Variants in VPS8 observed in about 807,000 individuals in gnomAD.
The protein encoded by VPS8 is VPS8 subunit of CORVET complex.
VPS8 carries 129 observed loss-of-function variants against 216.4 expected under a neutral mutation model. That is an observed-to-expected ratio of 0.60 (90% confidence interval 0.52 to 0.69). The LOEUF is 0.69. Ranked by LOEUF, VPS8 falls within the 30% of genes least tolerant of loss-of-function variation. The pLI is 0.00. For missense variants in VPS8, 1,531 were observed against 1,683.5 expected (o/e 0.91, Z 1.59); for synonymous variants, 571 against 565.4 (o/e 1.01, Z -0.14).
chr3:184,892,100 A>T (rs988411330), intron 22 of VPS8, among the ~76,000 whole-genome samples: 3 of 152,168 alleles, frequency 2.0e-5, no homozygotes, highest in Non-Finnish European at 4.4e-5. Context: ...TAGGGAGGCT[A>T]AGCTTGAAAT....
At chr3:184,842,269 A>G (rs1722330282) in intron 7 of VPS8, among the ~76,000 whole-genome samples, 1 of 151,212 alleles carries the variant, frequency 6.6e-6, no homozygotes, top group Admixed American at 6.6e-5. Flanking sequence ...ATTTAAAATG[A>G]ATACTTTACA....
chr3:184,961,324 A>G (rs1483352301), intron 37 of VPS8, among the ~76,000 whole-genome samples: 1 of 152,212 alleles, frequency 6.6e-6, no homozygotes, highest in African/African-American at 2.4e-5. Flanking sequence ...CACTCCTGAA[A>G]CAGTTGCCTG....
At chr3:184,937,709 A>C (rs971846485) in intron 35 of VPS8, among the ~76,000 whole-genome samples, 1 of 152,170 alleles carries the variant, frequency 6.6e-6, no homozygotes, top group Non-Finnish European at 1.5e-5. Flanking sequence ...GGCTTTCTTA[A>C]TAAAAAGGTT....
At chr3:184,900,634 G>A (rs759061329) in intron 24 of VPS8, among the ~76,000 whole-genome samples, 1 of 152,096 alleles carries the variant, frequency 6.6e-6, no homozygotes, top group Non-Finnish European at 1.5e-5. Flanking sequence ...AGAATAAAGC[G>A]TTTAAGAACC....
rs563872819 is a variant in VPS8 at position 185,008,182 on chromosome 3, A to G, written c.4002+8321A>G. On this transcript the variant is annotated intron_variant, in intron 45 of 47. Transcript: ENST00000625842. ...GAAGATTAATATGTCTCAGAAGTAC[A>G]TAGAGACGATTGATCATCCTAATAT... Among the ~76,000 whole-genome samples the G allele has an allele frequency of 2.9e-4, 44 of 152,342 alleles. No homozygotes were observed. The South Asian group carries it at 2.9e-3, about 10-fold the overall frequency.
intron 22 of VPS8, among the ~76,000 whole-genome samples, chr3:184,889,042 A>G (rs1318476407): frequency 6.6e-6 from 1 of 152,344 alleles, no homozygotes; most frequent in East Asian, 1.9e-4. Context: ...TCCCTAAAAT[A>G]TTCTGGAGAT....
intron 42 of VPS8, among the ~76,000 whole-genome samples, chr3:184,993,202 T>G (rs925561976): frequency 2.0e-5 from 3 of 152,144 alleles, no homozygotes; most frequent in East Asian, 1.9e-4. Context: ...TACTCAAATT[T>G]TATACACTAA....
At chr3:184,852,156 G>A (rs1724402053) in intron 10 of VPS8, among the ~76,000 whole-genome samples, 1 of 152,120 alleles carries the variant, frequency 6.6e-6, no homozygotes, top group Non-Finnish European at 1.5e-5. Context: ...TGTAACCAAA[G>A]GATCTCATTT....
chr3:184,866,662 T>C (rs951141864), intron 16 of VPS8, among the ~76,000 whole-genome samples: 3 of 152,206 alleles, frequency 2.0e-5, no homozygotes, highest in African/African-American at 7.2e-5. Context: ...TATGTAGCGC[T>C]GGGATGTAGG....
chr3:184,874,974 A>G (rs1018756617), intron 21 of VPS8, among the ~76,000 whole-genome samples: 1 of 151,960 alleles, frequency 6.6e-6, no homozygotes, highest in Non-Finnish European at 1.5e-5. Flanking sequence ...ATGATGTAAC[A>G]GCTCTTGGAT....
chr3:185,048,326 A>T (rs1353186747), intron 46 of VPS8, among the ~76,000 whole-genome samples, 153 bp from the exon 47 acceptor site: 3 of 152,210 alleles, frequency 2.0e-5, no homozygotes, highest in Non-Finnish European at 1.5e-5. Context: ...TTTCTAACTC[A>T]TGTTCAGTAT....
intron 44 of VPS8, among the ~76,000 whole-genome samples, chr3:184,998,053 A>G (rs1752850616): frequency 6.6e-6 from 1 of 152,164 alleles, no homozygotes; most frequent in African/African-American, 2.4e-5. Context: ...TGAGGAGGCT[A>G]GTGGCACCTG....
intron 45 of VPS8, among the ~76,000 whole-genome samples, chr3:185,008,876 T>C (rs986360323): frequency 9.9e-5 from 15 of 152,276 alleles, no homozygotes; most frequent in Non-Finnish European, 1.9e-4. Flanking sequence ...ATCAAATATA[T>C]AGTTTCAAAT....
intron 25 of VPS8, among the ~76,000 whole-genome samples, chr3:184,905,185 A>C (rs1483041265): frequency 6.6e-6 from 1 of 151,926 alleles, no homozygotes; most frequent in Non-Finnish European, 1.5e-5. Flanking sequence ...AAAGGCCCCC[A>C]CCTCCCAACA....
Position 184,964,509 on chromosome 3 carries a change from A to G in VPS8, c.3225A>G (p.Leu1075=), listed in dbSNP as rs1219507662. The change falls in exon 38 of 48, where the codon CTA becomes CTG. Residue 1075 remains leucine, a synonymous_variant. Transcript: ENST00000625842. ...KYQLHEVTAY[L]LEKKGDIHGA... is the part of the protein sequence containing the mutation. The stretch of plus-strand genomic sequence containing the variant: ...AACTTCATGAAGTCACCGCTTATCT[A>G]TTGGAAAAGAAAGGAGATATTCATG... 7.9e-6 allele frequency: 12 copies of G among 1,519,988 alleles called. No homozygotes were observed. Among genetic ancestry groups the G allele is most frequent in the Non-Finnish European group, 1.1e-5 (12 of 1,128,860 alleles). The allele number at this position is 1,519,988 out of a possible 1,614,324, so 94.2% of individuals were successfully genotyped here. A position where few individuals can be genotyped will look rare whatever the true frequency, so the allele number is the denominator to read the frequency against.
rs1023373286 is a variant in VPS8 at position 184,897,599 on chromosome 3, A to G, written c.2005-966A>G. Among the ~76,000 whole-genome samples, 23 of 152,240 alleles carry G rather than the reference A, an allele frequency of 1.5e-4. 1 individual carries two copies. The South Asian group carries it at 2.9e-3, about 19-fold the overall frequency. ...AAATGTGTTAGTCATCAGTGAAGAG[A>G]TGCATGATCATGGTACTGGCTGAGA... On this transcript the variant is annotated intron_variant, in intron 23 of 47. Transcript: ENST00000625842.
intron 25 of VPS8, among the ~76,000 whole-genome samples, chr3:184,902,120 C>G (rs368580669): frequency 0.042 from 6,347 of 149,496 alleles, 185 homozygotes; most frequent in Non-Finnish European, 0.063. Flanking sequence ...AGCCCCCCCC[C>G]CCTTTTTTTT....
intron 16 of VPS8, 125 bp downstream of exon 16, chr3:184,863,192 C>T: frequency 1.8e-6 from 2 of 1,140,678 alleles, no homozygotes; most frequent in African/African-American, 1.6e-5. Context: ...TGTTTCTTTA[C>T]AAGCCACTAG....
In VPS8 at chr3:184,852,561, C is replaced by G; in HGVS notation, c.815C>G (p.Thr272Arg). 2 of 1,613,330 alleles carry G rather than the reference C, an allele frequency of 1.2e-6. No homozygotes were observed. Among genetic ancestry groups the G allele is most frequent in the Non-Finnish European group, 1.7e-6 (2 of 1,179,576 alleles). Residue 272 changes from threonine (T) to arginine (R), a missense_variant, in exon 11 of 48, where the codon ACA (threonine) becomes AGA (arginine). Physicochemically the swap from Thr to Arg is moderately conservative, Grantham distance 71 (BLOSUM62 -1). Transcript: ENST00000625842. ...AGCGGAGGCTCTGTTTTTGAATTGA[C>G]ATTTAAGTAAGAGACTAGTGGACAT... ...NDSGGSVFEL[T>R]FKRVMGVRTC...
Sources: allele counts gnomAD v4.1 joint callset (sites outside exome capture counted in the v4.1 genomes callset), GRCh38; gene constraint gnomAD v4.1.1; transcripts MANE v1.5; gene names NCBI Gene and HGNC (gene_info 2026-07-23, HGNC 2026-07-21).